Variants in UNC13B observed in about 807,000 individuals in gnomAD.
UNC13B encodes protein unc-13 homolog B.
UNC13B carries 144 observed loss-of-function variants against 211.0 expected under a neutral mutation model. The observed-to-expected ratio is 0.68, with a 90% CI of 0.60 to 0.78. UNC13B has a LOEUF of 0.78. UNC13B is among the 30% of genes least tolerant of loss of function. The pLI, the probability that UNC13B is intolerant of heterozygous loss-of-function variation, is 0.00. For missense variants in UNC13B, 1,777 were observed against 2,002.0 expected, an observed-to-expected ratio of 0.89 and a Z score of 2.14; for synonymous variants, 709 against 725.8, an observed-to-expected ratio of 0.98 and a Z score of 0.37.
intron 1 of UNC13B, among the ~76,000 whole-genome samples, chr9:35,213,078 A>C (rs1824058294): frequency 6.6e-6 from 1 of 152,218 alleles, no homozygotes; most frequent in Admixed American, 6.5e-5. Context: ...ATTGAGTGCT[A>C]ACTGTGTTCC....
At chr9:35,187,823 A>G (rs1822442517) in intron 1 of UNC13B, among the ~76,000 whole-genome samples, 1 of 152,186 alleles carries the variant, frequency 6.6e-6, no homozygotes, top group Non-Finnish European at 1.5e-5. Context: ...ACTACAGGTC[A>G]GAAACCCTGG....
chr9:35,378,552 A>C, intron 17 of UNC13B, 116 bp downstream of exon 17: 55 of 1,309,022 alleles, frequency 4.2e-5, no homozygotes, highest in Non-Finnish European at 5.6e-5. Context: ...GAGAAAACTC[A>C]TTTCTCGCAT....
At chr9:35,231,635 G>A (rs924819654) in intron 3 of UNC13B, among the ~76,000 whole-genome samples, 2 of 152,152 alleles carry the variant, frequency 1.3e-5, no homozygotes, top group Non-Finnish European at 1.5e-5. Context: ...GTGAGAGACT[G>A]TATCTTCATG....
intron 26 of UNC13B, among the ~76,000 whole-genome samples, chr9:35,391,736 A>G (rs1258988621): frequency 6.6e-6 from 1 of 152,082 alleles, no homozygotes; most frequent in East Asian, 1.9e-4. Context: ...GGTTTGGGGG[A>G]AAAGAGAAAA....
intron 37 of UNC13B, among the ~76,000 whole-genome samples, chr9:35,402,746 C>T (rs546225928): frequency 6.6e-6 from 1 of 152,190 alleles, no homozygotes; most frequent in East Asian, 1.9e-4. Context: ...CTCTAGGAAT[C>T]CTGGGCATAG....
chr9:35,198,496 G>C (rs1329151113), intron 1 of UNC13B, among the ~76,000 whole-genome samples: 2 of 152,154 alleles, frequency 1.3e-5, no homozygotes, highest in Admixed American at 6.5e-5. Context: ...TGTAGTCTCA[G>C]GTATTTCTTT....
At chr9:35,381,258 G>A (rs938616426) in intron 19 of UNC13B, 43 bp downstream of exon 19, 8 of 1,548,132 alleles carry the variant, frequency 5.2e-6, no homozygotes, top group East Asian at 4.5e-5. Flanking sequence ...AAGCAGTGCT[G>A]GGAGAGGCCT....
In UNC13B at chr9:35,404,772, G is replaced by C. The variant is rs1241397571; in HGVS notation, c.*739G>C. On this transcript the variant is annotated 3_prime_UTR_variant, in exon 40 of 40. Transcript: ENST00000635942. ...CCCTGCCTCACTCCTCTAGGCAGGG[G>C]AGTGATGCTTCAGGACGTGACAGGC... 1 of 152,592 alleles carries C rather than the reference G, an allele frequency of 6.6e-6. No individual in the cohort carries two copies. Among genetic ancestry groups the C allele is most frequent in the Non-Finnish European group, 1.5e-5 (1 of 68,052 alleles). 9.5% of individuals were successfully genotyped at this position (152,592 alleles called of 1,614,324 possible).
At chr9:35,375,281 G>T in intron 14 of UNC13B, 80 bp downstream of exon 14, 1 of 1,440,188 alleles carries the variant, frequency 6.9e-7, no homozygotes, top group Non-Finnish European at 9.8e-7. Flanking sequence ...TTAATAATTG[G>T]GAATTCTGGG....
chr9:35,325,769 G>C (rs1830971279), intron 11 of UNC13B, among the ~76,000 whole-genome samples: 1 of 152,152 alleles, frequency 6.6e-6, no homozygotes, highest in Non-Finnish European at 1.5e-5. Context: ...TAGCAACCAT[G>C]AATTTACTTT....
intron 39 of UNC13B, 42 bp from the exon 40 acceptor site, chr9:35,403,706 A>C: frequency 6.2e-7 from 1 of 1,609,366 alleles, no homozygotes; most frequent in Non-Finnish European, 8.5e-7. Flanking sequence ...AATCAGCTGA[A>C]GACTCAACTC....
chr9:35,221,595 C>G (rs919387613), intron 1 of UNC13B, among the ~76,000 whole-genome samples: 2 of 152,116 alleles, frequency 1.3e-5, no homozygotes, highest in African/African-American at 4.8e-5. Context: ...TGATGTGATC[C>G]TATTTGTCCA....
At chr9:35,344,672 C>G (rs1832240986) in intron 11 of UNC13B, among the ~76,000 whole-genome samples, 1 of 152,134 alleles carries the variant, frequency 6.6e-6, no homozygotes, top group South Asian at 2.1e-4. Flanking sequence ...ACAAGGGTCT[C>G]ATTCTAGGTC....
rs556535070 is a variant in UNC13B, at chr9:35,349,465, G to A, written c.9415-17482G>A. Among the ~76,000 whole-genome samples the A allele has an allele frequency of 2.2e-3, 337 of 152,222 alleles. 2 individuals are homozygous for A. Among genetic ancestry groups the A allele is most frequent in the African/African-American group, 7.7e-3 (320 of 41,524 alleles). On this transcript the variant is annotated intron_variant, in intron 11 of 39. Coordinates refer to ENST00000635942, the MANE Select transcript of UNC13B (RefSeq NM_001371189.2). ...GGAGCGTGGTCTACCTAGGCAGCTGGGCACCAAGCCCAAGACCCAGAAATT... is the reference window on the plus strand; with the variant it reads ...GGAGCGTGGTCTACCTAGGCAGCTGAGCACCAAGCCCAAGACCCAGAAATT...
At chr9:35,248,341 G>A (rs933776227) in intron 6 of UNC13B, among the ~76,000 whole-genome samples, 1 of 151,942 alleles carries the variant, frequency 6.6e-6, no homozygotes, top group African/African-American at 2.4e-5. Context: ...AGGGTTTTTT[G>A]TGTCTCTATG....
At chr9:35,353,561 C>G in intron 11 of UNC13B, 1 of 1,232,130 alleles carries the variant, frequency 8.1e-7, no homozygotes, top group Non-Finnish European at 1.0e-6. Flanking sequence ...CACCTTCTCT[C>G]TTGCTTCTAA....
chr9:35,246,748 C>A (rs1587457849), intron 6 of UNC13B, among the ~76,000 whole-genome samples: 1 of 152,278 alleles, frequency 6.6e-6, no homozygotes, highest in East Asian at 1.9e-4. Context: ...GTTTTAATTA[C>A]CGTAGCCTTG....
intron 11 of UNC13B, among the ~76,000 whole-genome samples, chr9:35,316,335 A>T (rs1455329267): frequency 6.6e-6 from 1 of 152,202 alleles, no homozygotes; most frequent in East Asian, 1.9e-4. Flanking sequence ...CATGAGTTAT[A>T]ATCCATTATT....
chr9:35,174,822 G>A (rs1453257644), intron 1 of UNC13B, among the ~76,000 whole-genome samples: 6 of 152,136 alleles, frequency 3.9e-5, no homozygotes, highest in East Asian at 1.9e-4. Context: ...TCCTGACCTC[G>A]TGATCTGCCT....
Sources: gnomAD v4.1 joint callset for allele counts (sites outside exome capture counted in the v4.1 genomes callset) on GRCh38, gnomAD v4.1.1 for gene constraint, MANE v1.5 for transcripts, NCBI Gene and HGNC (gene_info 2026-07-23, HGNC 2026-07-21) for gene names.